The following MAP3K6 variants were observed in gnomAD, a reference collection of about 807,000 sequenced individuals.
The protein encoded by MAP3K6 is mitogen-activated protein kinase kinase kinase 6, also known as apoptosis signal-regulating kinase 2.
Under a neutral mutation model 147.1 loss-of-function variants are expected in MAP3K6, and 105 were observed. That is an observed-to-expected ratio of 0.71 (90% CI 0.61 to 0.84). MAP3K6 has a LOEUF of 0.84. Among genes scored for constraint, MAP3K6 ranks in the 40% least tolerant of loss-of-function variants. The pLI is 0.00. For missense variants in MAP3K6, 1,569 were observed against 1,715.0 expected (o/e 0.91, Z 1.50); for synonymous variants, 695 against 732.4 (o/e 0.95, Z 0.82).
In MAP3K6 at chr1:27,364,432, T is replaced by C; in HGVS notation, c.505-38A>G. On this transcript the variant is annotated intron_variant, in intron 3 of 28. Coordinates refer to ENST00000357582, the MANE Select transcript of MAP3K6 (RefSeq NM_004672.5). The surrounding 1 kb of genome is among the most constrained non-coding windows in gnomAD (Gnocchi z 4.4). Reference sequence around the variant, plus strand: ...AGGCAGGAATCAGTGAGGTCAGAGGTCAGCACAGGGCTAGACAAGGGGAGT... The same window carrying C: ...AGGCAGGAATCAGTGAGGTCAGAGGCCAGCACAGGGCTAGACAAGGGGAGT... The C allele has an allele frequency of 6.2e-7, 1 of 1,608,738 alleles. No homozygotes were observed. The highest frequency in any genetic ancestry group is 8.5e-7 in the Non-Finnish European group (1 of 1,176,282).
chr1:27,363,653 T>C, intron 5 of MAP3K6, 105 bp from the exon 6 acceptor site: 1 of 901,218 alleles, frequency 1.1e-6, no homozygotes. Context: ...GCCACCATCT[T>C]CTGCACGCCT....
Position 27,358,742 on chromosome 1 carries a change from G to T in MAP3K6, c.2550C>A (p.His850Gln), listed in dbSNP as rs368457279. The stretch of plus-strand genomic sequence containing the variant: ...TGGCAGCCTGTGGGCTCCCGAGCTC[G>T]TGGAAGGGGGGGCGACCTGTGGCCA... ...IEMATGRPPF[H>Q]ELGSPQAAMF... The change falls in exon 19 of 29, where the codon CAC (histidine) becomes CAA (glutamine). Residue 850 changes from histidine to glutamine, a missense_variant. His to Gln is a conservative substitution (Grantham distance 24). Transcript: ENST00000357582. The surrounding 1 kb of genome is among the most constrained non-coding windows in gnomAD (Gnocchi z 6.2). 4.3e-6 allele frequency: 7 copies of T among 1,613,848 alleles called. No individual in the cohort carries two copies. Among genetic ancestry groups the T allele is most frequent in the Non-Finnish European group, 5.9e-6 (7 of 1,180,006 alleles).
Position 27,357,731 on chromosome 1 carries a change from G to A in MAP3K6, c.3061C>T (p.Gln1021Ter). The change falls in exon 22 of 29, where the codon CAG (glutamine) becomes TAG (stop). Residue 1021 changes from glutamine (Q) to a stop codon, truncating the protein, a stop_gained. Coordinates refer to ENST00000357582, the MANE Select transcript of MAP3K6 (RefSeq NM_004672.5). LOFTEE classifies it high-confidence loss of function. ...CCCACCTGCTCTTGCTTCTGCTCCT[G>A]GTGCAGATTCTCCGCCAGCGCTGGC... ...ELPALAENLHQEQKQEQGARL... is the reference protein window; with the variant it reads ...ELPALAENLH 2 of 1,611,744 alleles carry A rather than the reference G, an allele frequency of 1.2e-6. No homozygotes were observed. The highest frequency in any genetic ancestry group is 8.5e-7 in the Non-Finnish European group (1 of 1,179,880).
chr1:27,357,689 G>A, intron 22 of MAP3K6, 22 bp downstream of exon 22: 2 of 1,606,872 alleles, frequency 1.2e-6, no homozygotes, highest in African/African-American at 1.3e-5. Flanking sequence ...ACCACCAGGG[G>A]GCGCTAGAGT....
intron 28 of MAP3K6, 51 bp downstream of exon 28, chr1:27,355,618 G>A (rs1412035025): frequency 1.2e-6 from 2 of 1,604,090 alleles, no homozygotes; most frequent in Non-Finnish European, 8.5e-7. Context: ...CCTGCAGTTG[G>A]CCAGGATGAG....
Position 27,356,726 on chromosome 1 carries a change from G to A in MAP3K6, c.3388C>T (p.Pro1130Ser). The change falls in exon 25 of 29, where the codon CCG (proline) becomes TCG (serine). Residue 1130 changes from proline to serine, a missense_variant. By Grantham distance (74) the Pro-to-Ser change is moderately conservative (BLOSUM62 -1). Coordinates refer to ENST00000357582, the MANE Select transcript of MAP3K6 (RefSeq NM_004672.5). Reference sequence around the variant, plus strand: ...TCATTACTCAGCTCCTCTGACCTCGGTGAGACCGCCTCCTTCTCCACCTCT... The same window carrying A: ...TCATTACTCAGCTCCTCTGACCTCGATGAGACCGCCTCCTTCTCCACCTCT... ...GPEVEKEAVSPRSEELSNEGD... is the reference protein window; with the variant it reads ...GPEVEKEAVSSRSEELSNEGD... 2 of 1,578,420 alleles carry A rather than the reference G, an allele frequency of 1.3e-6. No individual in the cohort carries two copies. The highest frequency in any genetic ancestry group is 1.7e-6 in the Non-Finnish European group (2 of 1,161,786).
In MAP3K6 at chr1:27,358,490, C is replaced by G. The variant is rs1294920751; in HGVS notation, c.2705G>C (p.Gly902Ala). 3 of 1,603,160 alleles carry G rather than the reference C, an allele frequency of 1.9e-6. No homozygotes were observed. The highest frequency in any genetic ancestry group is 2.5e-6 in the Non-Finnish European group (3 of 1,176,816). The change falls in exon 20 of 29, where the codon GGG (glycine) becomes GCG (alanine). Residue 902 changes from glycine to alanine, a missense_variant. By Grantham distance (60) the Gly-to-Ala change is moderately conservative. Coordinates refer to ENST00000357582, the MANE Select transcript of MAP3K6 (RefSeq NM_004672.5). The surrounding 1 kb of genome is among the most constrained non-coding windows in gnomAD (Gnocchi z 6.2). Reference protein sequence around the residue: ...RLRASAQTLLGDPFLQPGKRS... With the variant: ...RLRASAQTLLADPFLQPGKRS... Reference sequence around the variant, plus strand: ...TTTCCCAGGCTGCAGGAAGGGGTCCCCCAGCAGTGTCTGGGCGCTGGCTCG... The same window carrying G: ...TTTCCCAGGCTGCAGGAAGGGGTCCGCCAGCAGTGTCTGGGCGCTGGCTCG...
At position 27,358,486 on chromosome 1, in the gene MAP3K6, G is replaced by T. The variant is rs746783370; in HGVS notation, c.2709C>A (p.Asp903Glu). 3.1e-6 allele frequency: 5 copies of T among 1,597,318 alleles called. No homozygotes were observed. The highest frequency in any genetic ancestry group is 4.3e-6 in the Non-Finnish European group (5 of 1,175,422). Residue 903 changes from aspartate to glutamate, a missense_variant, in exon 20 of 29, where the codon GAC becomes GAA. By Grantham distance (45) the Asp-to-Glu change is conservative. Transcript: ENST00000357582. This position sits in a 1 kb window ranked among gnomAD's most constrained non-coding sequence, Gnocchi z 6.2. ...LRASAQTLLG[D>E]PFLQPGKRSR... ...TCCTTTTCCCAGGCTGCAGGAAGGG[G>T]TCCCCCAGCAGTGTCTGGGCGCTGG...
At position 27,358,372 on chromosome 1, in the gene MAP3K6, A is replaced by G. The variant is rs773031865; in HGVS notation, c.2776+47T>C. 1.0e-5 allele frequency: 16 copies of G among 1,589,128 alleles called. No individual in the cohort carries two copies. Among genetic ancestry groups the G allele is most frequent in the Non-Finnish European group, 1.3e-5 (15 of 1,173,234 alleles). On this transcript the variant is annotated intron_variant, in intron 20 of 28. Coordinates refer to ENST00000357582, the MANE Select transcript of MAP3K6 (RefSeq NM_004672.5). The surrounding 1 kb of genome is among the most constrained non-coding windows in gnomAD (Gnocchi z 6.2). Reference sequence around the variant, plus strand: ...GGCTCTCCTCCACCCTCACAGCTCCACAACTCCTCTGCCCTCCACTGTGCC... The same window carrying G: ...GGCTCTCCTCCACCCTCACAGCTCCGCAACTCCTCTGCCCTCCACTGTGCC...
At position 27,359,956 on chromosome 1, in the gene MAP3K6, G is replaced by A. The variant is rs764687295; in HGVS notation, c.2221C>T (p.Leu741=). Residue 741 remains leucine (L), a synonymous_variant, in exon 17 of 29, where the codon CTG becomes TTG. Coordinates refer to ENST00000357582, the MANE Select transcript of MAP3K6 (RefSeq NM_004672.5). This position sits in a 1 kb window ranked among gnomAD's most constrained non-coding sequence, Gnocchi z 4.4. ...CTGATGGTGCTCTCGTTGTCCTTCA[G>A]GGGTCCCCACACCGACCGCAGCAAG... ...SSLLRSVWGP[L]KDNESTISFY... The A allele has an allele frequency of 1.3e-5, 21 of 1,613,996 alleles. No individual in the cohort carries two copies. The highest frequency in any genetic ancestry group is 1.8e-5 in the Non-Finnish European group (21 of 1,179,984).
At position 27,357,157 on chromosome 1, in the gene MAP3K6, C is replaced by T. The variant is rs201693599; in HGVS notation, c.3259-43G>A. On this transcript the variant is annotated intron_variant, in intron 23 of 28. Transcript: ENST00000357582. The stretch of plus-strand genomic sequence containing the variant: ...CGCCGCTGAGACAGCTGAGCCTCAA[C>T]TAGAGGCAGGGCTTGAGTTGGAAAG... 10 of 1,554,456 alleles carry T rather than the reference C, an allele frequency of 6.4e-6. No homozygotes were observed. The East Asian group carries it at 1.3e-4, about 21-fold the overall frequency.
intron 22 of MAP3K6, 39 bp downstream of exon 22, chr1:27,357,672 C>T: frequency 6.2e-7 from 1 of 1,603,008 alleles, no homozygotes; most frequent in Non-Finnish European, 8.5e-7. Context: ...TGTCCTGACC[C>T]TTTGCGACCA....
In MAP3K6 at chr1:27,360,029, C is replaced by T; in HGVS notation, c.2183-35G>A. 6.2e-7 allele frequency: 1 copy of T among 1,612,332 alleles called. No individual in the cohort carries two copies. Among genetic ancestry groups the T allele is most frequent in the Non-Finnish European group, 8.5e-7 (1 of 1,179,124 alleles). ...GACAGTCCAAGTTCATTCTTCCCAC[C>T]CACTGGCTCCAGCCCACATCTCTCT... On this transcript the variant is annotated intron_variant, in intron 16 of 28. Coordinates refer to ENST00000357582, the MANE Select transcript of MAP3K6 (RefSeq NM_004672.5). This position sits in a 1 kb window ranked among gnomAD's most constrained non-coding sequence, Gnocchi z 4.5.
At position 27,366,310 on chromosome 1, in the gene MAP3K6, G is replaced by T; in HGVS notation, c.288C>A (p.Phe96Leu). Reference protein sequence around the residue: ...RPPPQLRSLPFGTLELGDTAA... With the variant: ...RPPPQLRSLPLGTLELGDTAA... ...CGGTGTCGCCTAGCTCCAGCGTCCC[G>T]AAGGGCAGGCTGCGCAGCTGCGGGG... Residue 96 changes from phenylalanine to leucine, a missense_variant, in exon 1 of 29, where the codon TTC becomes TTA. By Grantham distance (22) the Phe-to-Leu change is conservative. Coordinates refer to ENST00000357582, the MANE Select transcript of MAP3K6 (RefSeq NM_004672.5). The surrounding 1 kb of genome is among the most constrained non-coding windows in gnomAD (Gnocchi z 5.5). The T allele has an allele frequency of 7.5e-7, 1 of 1,326,918 alleles. No individual in the cohort carries two copies. Among genetic ancestry groups the T allele is most frequent in the Non-Finnish European group, 9.6e-7 (1 of 1,039,658 alleles). 82.2% of individuals were successfully genotyped at this position (1,326,918 alleles called of 1,614,324 possible).
rs773563558 is a variant in MAP3K6 at position 27,359,406 on chromosome 1, C to G, written c.2425+11G>C. On this transcript the variant is annotated intron_variant, in intron 18 of 28. Coordinates refer to ENST00000357582, the MANE Select transcript of MAP3K6 (RefSeq NM_004672.5). This position sits in a 1 kb window ranked among gnomAD's most constrained non-coding sequence, Gnocchi z 4.4. ...TCAGCATCCCCACTCACCACCCCCA[C>G]ACCTTGTTACCTGTGAAGGTCTCAG... The G allele has an allele frequency of 6.2e-7, 1 of 1,614,150 alleles. No homozygotes were observed.
At position 27,363,003 on chromosome 1, in the gene MAP3K6, G is replaced by A. The variant is rs1557565499; in HGVS notation, c.990C>T (p.Asp330=). The change falls in exon 7 of 29, where the codon GAC becomes GAT. Residue 330 remains aspartate (D), a synonymous_variant. Coordinates refer to ENST00000357582, the MANE Select transcript of MAP3K6 (RefSeq NM_004672.5). ...FALNRRNRPG[D]RAKALSVLLP... is the part of the protein sequence containing the mutation. ...GCAGCACAGACAGGGCCTTCGCCCG[G>A]TCCCCAGGCCTGTTCCTCCTAGGGA... The A allele has an allele frequency of 5.6e-6, 9 of 1,613,776 alleles. No homozygotes were observed. The highest frequency in any genetic ancestry group is 7.6e-6 in the Non-Finnish European group (9 of 1,179,928).
intron 24 of MAP3K6, 72 bp from the exon 25 acceptor site, chr1:27,356,821 G>A: frequency 2.0e-6 from 3 of 1,510,188 alleles, no homozygotes; most frequent in South Asian, 1.3e-5. Flanking sequence ...CAAAGTGCGG[G>A]GGTAGGGTGC....
rs759889940 is a variant in MAP3K6, at chr1:27,364,130, C to T, written c.696-45G>A. On this transcript the variant is annotated intron_variant, in intron 4 of 28. Coordinates refer to ENST00000357582, the MANE Select transcript of MAP3K6 (RefSeq NM_004672.5). This position sits in a 1 kb window ranked among gnomAD's most constrained non-coding sequence, Gnocchi z 4.4. Reference sequence around the variant, plus strand: ...AGGCAGGGAGAGAGAATGGTGGGGCCTGTACCTCAGCCCCAGCCCACCATA... The same window carrying T: ...AGGCAGGGAGAGAGAATGGTGGGGCTTGTACCTCAGCCCCAGCCCACCATA... 5.6e-6 allele frequency: 9 copies of T among 1,601,174 alleles called. No homozygotes were observed. The highest frequency in any genetic ancestry group is 6.0e-6 in the Non-Finnish European group (7 of 1,173,688).
Position 27,366,349 on chromosome 1 carries a change from G to A in MAP3K6, c.249C>T (p.Pro83=), listed in dbSNP as rs557069752. The A allele has an allele frequency of 1.8e-5, 23 of 1,285,018 alleles. No individual in the cohort carries two copies. In the East Asian group the frequency reaches 5.9e-4, roughly 33 times the overall value. The allele number at this position is 1,285,018 out of a possible 1,614,324, so 79.6% of individuals were successfully genotyped here. A position where few individuals can be genotyped will look rare whatever the true frequency, so the allele number is the denominator to read the frequency against. ...GCAGCTGCGGGGGCGGCCGCGGCCG[G>A]GGGACCTGCGCGCAAGCCTCGCGCA... ...RCLREACAQV[P]RPRPPPQLRS... The change falls in exon 1 of 29, where the codon CCC becomes CCT. Residue 83 remains proline (P), a synonymous_variant. Transcript: ENST00000357582. This position sits in a 1 kb window ranked among gnomAD's most constrained non-coding sequence, Gnocchi z 5.5.
Sources: gnomAD v4.1 joint callset for allele counts on GRCh38, gnomAD v4.1.1 for gene constraint, Gnocchi (gnomAD v3.1) non-coding constraint, MANE v1.5 for transcripts, NCBI Gene and HGNC (gene_info 2026-07-23, HGNC 2026-07-21) for gene names.